The following COL4A2 variants were observed in gnomAD, a reference collection of about 807,000 sequenced individuals.
COL4A2 encodes collagen alpha-2(IV) chain.
A neutral mutation model predicts 200.2 loss-of-function variants in COL4A2; 99 were observed. The ratio of observed to expected loss-of-function variants is 0.49; its 90% CI spans 0.42 to 0.58. The LOEUF (loss-of-function observed/expected upper bound fraction) is 0.58. Among genes scored for constraint, COL4A2 ranks in the 20% least tolerant of loss-of-function variants. The pLI is 0.00. For synonymous variants in COL4A2, 897 were observed against 900.6 expected (o/e 1.00, Z 0.07); for missense variants, 1,950 against 2,314.1 (o/e 0.84, Z 3.23).
At chr13:110,489,879 A>G (rs1883229399) in intron 36 of COL4A2, 94 bp downstream of exon 36, 1 of 1,356,636 alleles carries the variant, frequency 7.4e-7, no homozygotes, top group East Asian at 2.3e-5. Context: ...ATTCAGTAAC[A>G]ACCAGAAAGC....
intron 45 of COL4A2, among the ~76,000 whole-genome samples, chr13:110,504,753 G>A (rs923564708): frequency 4.6e-5 from 7 of 151,880 alleles, no homozygotes; most frequent in East Asian, 2.0e-4. Context: ...CTACAGGCAT[G>A]TGCCCCCATA....
At chr13:110,510,662 G>C (rs1470635799) in intron 47 of COL4A2, among the ~76,000 whole-genome samples, 1 of 152,190 alleles carries the variant, frequency 6.6e-6, no homozygotes, top group South Asian at 2.1e-4. Context: ...GTGTGCATGA[G>C]TGTACACCAT....
chr13:110,360,072 A>G (rs916094477), intron 4 of COL4A2, among the ~76,000 whole-genome samples: 4 of 152,156 alleles, frequency 2.6e-5, no homozygotes, highest in Non-Finnish European at 5.9e-5. Context: ...CATGCTATGG[A>G]TTTTCCCAAC....
chr13:110,454,478 C>T (rs1054740841), intron 20 of COL4A2, among the ~76,000 whole-genome samples: 4 of 152,124 alleles, frequency 2.6e-5, no homozygotes, highest in Non-Finnish European at 5.9e-5. Context: ...TCTCTACCTG[C>T]GACACTGCAC....
chr13:110,392,701 C>T (rs575701489), intron 4 of COL4A2, among the ~76,000 whole-genome samples: 1 of 152,304 alleles, frequency 6.6e-6, no homozygotes, highest in Non-Finnish European at 1.5e-5. Flanking sequence ...CTCTCCCGAC[C>T]CTTATCTAAC....
At chr13:110,485,101 C>A in intron 33 of COL4A2, 74 bp downstream of exon 33, 1 of 1,357,518 alleles carries the variant, frequency 7.4e-7, no homozygotes, top group Non-Finnish European at 9.8e-7. Flanking sequence ...TGCCCTTCTC[C>A]GTCCCCAGAG....
chr13:110,465,339 C>T (rs1882193955), intron 24 of COL4A2, 66 bp from the exon 25 acceptor site: 1 of 1,513,340 alleles, frequency 6.6e-7, no homozygotes, highest in Non-Finnish European at 8.9e-7. Flanking sequence ...GGAAAGGAAA[C>T]AGGGAAGTCG....
intron 4 of COL4A2, among the ~76,000 whole-genome samples, chr13:110,386,958 G>T (rs1432972696): frequency 6.6e-6 from 1 of 152,152 alleles, no homozygotes; most frequent in Non-Finnish European, 1.5e-5. Flanking sequence ...GAGCGACTGA[G>T]GCCGGGCACG....
chr13:110,465,999 C>A lies in COL4A2; in HGVS notation c.1979-4C>A. ...CTCACTCTGTCCTTATGTCTTCCCC[C>A]CAGATTGTGACACAGATGTGAAAAG... is the stretch of plus-strand genomic sequence containing the variant. On this transcript the variant is annotated splice_polypyrimidine_tract_variant and splice_region_variant and intron_variant, in intron 25 of 47. Transcript: ENST00000360467. The A allele has an allele frequency of 6.2e-7, 1 of 1,613,716 alleles. No individual in the cohort carries two copies. Among genetic ancestry groups the A allele is most frequent in the Non-Finnish European group, 8.5e-7 (1 of 1,179,692 alleles).
intron 31 of COL4A2, 148 bp from the exon 32 acceptor site, chr13:110,482,368 A>G (rs1882964007): frequency 1.2e-6 from 1 of 818,682 alleles, no homozygotes; most frequent in Non-Finnish European, 2.0e-6. Context: ...GAAGTTGCTT[A>G]GAAGATGGTG....
chr13:110,418,767 G>A (rs1880138191), intron 4 of COL4A2, among the ~76,000 whole-genome samples: 1 of 152,174 alleles, frequency 6.6e-6, no homozygotes, highest in Non-Finnish European at 1.5e-5. Context: ...CCTCAGCTCT[G>A]TGTTGCATGG....
chr13:110,511,937 A>G lies in COL4A2; in HGVS notation c.4885A>G (p.Thr1629Ala). 1 of 1,613,532 alleles carries G rather than the reference A, an allele frequency of 6.2e-7. No homozygotes were observed. Among genetic ancestry groups the G allele is most frequent in the Non-Finnish European group, 8.5e-7 (1 of 1,180,010 alleles). ...LWIGYSFLMH[T>A]AAGDEGGGQS... ...TCCTGCCCCCCTCTCTGTGCAGCACACGGCGGCGGGAGACGAAGGCGGTGG... is the reference window on the plus strand; with the variant it reads ...TCCTGCCCCCCTCTCTGTGCAGCACGCGGCGGCGGGAGACGAAGGCGGTGG... The change falls in exon 48 of 48, where the codon ACG (threonine) becomes GCG (alanine). Residue 1629 changes from threonine to alanine, a missense_variant. Coordinates refer to ENST00000360467, the MANE Select transcript of COL4A2 (RefSeq NM_001846.4).
At chr13:110,412,432 TCAC>T (rs1879879094) in intron 4 of COL4A2, among the ~76,000 whole-genome samples, 1 of 152,194 alleles carries the variant, frequency 6.6e-6, no homozygotes, top group Admixed American at 6.5e-5. Flanking sequence ...CACCTCGTGT[TCAC>T]CACCAGAACT....
At chr13:110,458,038 C>T in intron 21 of COL4A2, 1 of 442,712 alleles carries the variant, frequency 2.3e-6, no homozygotes. Flanking sequence ...GCAGGCTGTG[C>T]TCCTGCTCAC....
intron 18 of COL4A2, 23 bp downstream of exon 18, chr13:110,446,887 A>G (rs773460235): frequency 1.6e-5 from 25 of 1,591,708 alleles, no homozygotes; most frequent in Non-Finnish European, 2.1e-5. Flanking sequence ...TTTCACCTGC[A>G]TAGTTCAGCA....
intron 32 of COL4A2, among the ~76,000 whole-genome samples, chr13:110,484,527 C>T (rs879336463): frequency 1.3e-5 from 2 of 152,164 alleles, no homozygotes; most frequent in Non-Finnish European, 2.9e-5. Flanking sequence ...GCCTGCCTCA[C>T]GGGCCTTCCT....
chr13:110,425,496 A>T (rs1482308144), intron 6 of COL4A2, among the ~76,000 whole-genome samples: 1 of 152,224 alleles, frequency 6.6e-6, no homozygotes, highest in Non-Finnish European at 1.5e-5. Context: ...AACCTAGTTT[A>T]CTTTACTTCT....
chr13:110,347,339 C>CG (rs887564609), intron 3 of COL4A2, among the ~76,000 whole-genome samples: 1 of 152,166 alleles, frequency 6.6e-6, no homozygotes, highest in African/African-American at 2.4e-5. Flanking sequence ...TGGGAAGGCT[C>CG]GGGGGGCTGA....
chr13:110,369,170 C>T (rs541124878), intron 4 of COL4A2, among the ~76,000 whole-genome samples: 8 of 152,242 alleles, frequency 5.3e-5, no homozygotes, highest in African/African-American at 1.7e-4. Context: ...GAGATCACAC[C>T]ACTGCACTCC....
Sources: gnomAD v4.1 joint callset for allele counts (sites outside exome capture counted in the v4.1 genomes callset) on GRCh38, gnomAD v4.1.1 for gene constraint, MANE v1.5 for transcripts, NCBI Gene and HGNC (gene_info 2026-07-23, HGNC 2026-07-21) for gene names.